The following KIAA1958 variants were observed in gnomAD, a reference collection of about 807,000 sequenced individuals.
KIAA1958 encodes the protein KIAA1958.
In KIAA1958, 14 loss-of-function variants were observed where a neutral mutation model predicts 47.2. The observed-to-expected ratio is 0.30, with a 90% CI of 0.20 to 0.46. KIAA1958 has a LOEUF of 0.46. Among genes scored for constraint, KIAA1958 ranks in the 20% least tolerant of loss-of-function variants. The pLI is 1.00. For synonymous variants in KIAA1958, 354 were observed against 353.3 expected (o/e 1.00, Z -0.02); for missense variants, 803 against 909.2 (o/e 0.88, Z 1.50).
chr9:112,623,448 C>T (rs1345683215), intron 2 of KIAA1958, among the ~76,000 whole-genome samples: 1 of 152,198 alleles, frequency 6.6e-6, no homozygotes, highest in Non-Finnish European at 1.5e-5. Context: ...TCTGCTGTAG[C>T]TACTTGTTCA....
intron 1 of KIAA1958, among the ~76,000 whole-genome samples, chr9:112,512,781 G>A (rs1834344262): frequency 6.6e-6 from 1 of 151,712 alleles, no homozygotes; most frequent in South Asian, 2.1e-4. Flanking sequence ...AGGAAAGCAC[G>A]GGGGACTTGA....
intron 3 of KIAA1958, among the ~76,000 whole-genome samples, chr9:112,653,216 A>G (rs757754256): frequency 1.3e-5 from 2 of 152,206 alleles, no homozygotes; most frequent in Non-Finnish European, 2.9e-5. Context: ...GTTAGTAGAA[A>G]AAAGCATTCT....
intron 1 of KIAA1958, among the ~76,000 whole-genome samples, chr9:112,537,099 T>C (rs1046831493): frequency 1.0e-4 from 15 of 149,484 alleles, no homozygotes; most frequent in African/African-American, 3.7e-4. Flanking sequence ...TCTCCTCTCT[T>C]CTCTTTTCTT....
At chr9:112,568,790 A>T (rs1197327211) in intron 1 of KIAA1958, among the ~76,000 whole-genome samples, 4 of 149,432 alleles carry the variant, frequency 2.7e-5, no homozygotes, top group Non-Finnish European at 5.9e-5. Context: ...AGGGAGGCTG[A>T]GGTGGGAGGG....
intron 1 of KIAA1958, among the ~76,000 whole-genome samples, chr9:112,507,210 G>A (rs1380018995): frequency 1.3e-5 from 2 of 152,164 alleles, no homozygotes; most frequent in African/African-American, 4.8e-5. Flanking sequence ...TCTGGTCCAA[G>A]GGGTGGCATA....
chr9:112,649,324 A>AT (rs34306715), intron 3 of KIAA1958, among the ~76,000 whole-genome samples: 51 of 143,708 alleles, frequency 3.5e-4, no homozygotes, highest in South Asian at 6.7e-4. Context: ...CACCTGGCTA[A>AT]TTTTTTTTTT....
At chr9:112,619,070 A>ATTTT in intron 2 of KIAA1958, 1 of 733,870 alleles carries the variant, frequency 1.4e-6, no homozygotes, top group East Asian at 6.7e-5. Context: ...AAATAAGCCA[A>ATTTT]TGGAGATAAT....
At chr9:112,560,687 A>G (rs980947521) in intron 1 of KIAA1958, among the ~76,000 whole-genome samples, 15 of 152,218 alleles carry the variant, frequency 9.9e-5, no homozygotes, top group African/African-American at 3.6e-4. Context: ...GGTGAGCAGC[A>G]TTTGTTAGGA....
At chr9:112,586,780 A>G (rs2131186030) in intron 2 of KIAA1958, among the ~76,000 whole-genome samples, 1 of 152,358 alleles carries the variant, frequency 6.6e-6, no homozygotes. Context: ...CGAGGATGCC[A>G]GGAACCACTT....
At chr9:112,523,792 A>C (rs763979769) in intron 1 of KIAA1958, among the ~76,000 whole-genome samples, 6 of 152,208 alleles carry the variant, frequency 3.9e-5, no homozygotes, top group Non-Finnish European at 8.8e-5. Context: ...TAACTGAGGG[A>C]ACACTTAGGT....
rs1271530591 is a variant in KIAA1958 at position 112,663,825 on chromosome 9, TTTGA to T, written c.*3759_*3762del. On this transcript the variant is annotated 3_prime_UTR_variant, in exon 4 of 4. Transcript: ENST00000337530. ...TTGAAGAAATGTGAAATTTTGTTACTTTGATTTTTATTTTAATTCAAGCTTATTA... is the reference window on the plus strand; with the variant it reads ...TTGAAGAAATGTGAAATTTTGTTACTTTTTTATTTTAATTCAAGCTTATTA... 3 of 152,250 alleles carry T rather than the reference TTTGA, an allele frequency of 2.0e-5. No individual in the cohort carries two copies. The highest frequency in any genetic ancestry group is 4.4e-5 in the Non-Finnish European group (3 of 68,050). 9.4% of individuals were successfully genotyped at this position (152,250 alleles called of 1,614,324 possible).
chr9:112,573,599 CTAG>C (rs1162989763), intron 1 of KIAA1958, among the ~76,000 whole-genome samples: 1 of 152,146 alleles, frequency 6.6e-6, no homozygotes, highest in Non-Finnish European at 1.5e-5. Context: ...GGCTCTGCCT[CTAG>C]TAGTAAAGTT....
At chr9:112,647,700 A>G (rs1032533468) in intron 3 of KIAA1958, among the ~76,000 whole-genome samples, 8 of 152,250 alleles carry the variant, frequency 5.3e-5, no homozygotes, top group African/African-American at 1.9e-4. Context: ...ACCAGACACA[A>G]CATGTGAAAC....
At chr9:112,487,200 G>A in intron 1 of KIAA1958, 82 bp downstream of exon 1, 1 of 180,314 alleles carries the variant, frequency 5.5e-6, no homozygotes, top group Non-Finnish European at 1.2e-5. Context: ...TGTGGGGGGC[G>A]GCCGCGCCGG....
At chr9:112,629,463 A>T (rs546170511) in intron 2 of KIAA1958, among the ~76,000 whole-genome samples, 1 of 152,320 alleles carries the variant, frequency 6.6e-6, no homozygotes, top group African/African-American at 2.4e-5. Context: ...GAGAAAGGTG[A>T]ATTGCAACAG....
chr9:112,499,238 T>C (rs773353521), intron 1 of KIAA1958, among the ~76,000 whole-genome samples: 1 of 152,252 alleles, frequency 6.6e-6, no homozygotes, highest in Non-Finnish European at 1.5e-5. Flanking sequence ...CACTGATTTC[T>C]TTGATACACT....
At chr9:112,636,687 C>T (rs997617354) in intron 2 of KIAA1958, among the ~76,000 whole-genome samples, 9 of 152,088 alleles carry the variant, frequency 5.9e-5, no homozygotes, top group African/African-American at 2.2e-4. Context: ...GGTATACCAG[C>T]TTTCATTTGC....
chr9:112,550,856 C>T (rs1162506963), intron 1 of KIAA1958, among the ~76,000 whole-genome samples: 1 of 152,166 alleles, frequency 6.6e-6, no homozygotes, highest in Non-Finnish European at 1.5e-5. Flanking sequence ...TCCAGCTCCT[C>T]AGAGGTCAGA....
At chr9:112,646,144 C>T (rs1404160042) in intron 3 of KIAA1958, among the ~76,000 whole-genome samples, 1 of 150,968 alleles carries the variant, frequency 6.6e-6, no homozygotes, top group Non-Finnish European at 1.5e-5. Context: ...AGGACGGGAG[C>T]CTTCTAGGCT....
Sources: allele counts gnomAD v4.1 joint callset (sites outside exome capture counted in the v4.1 genomes callset), GRCh38; gene constraint gnomAD v4.1.1; transcripts MANE v1.5; gene names NCBI Gene and HGNC (gene_info 2026-07-23, HGNC 2026-07-21).